HOOK1: variants seen among roughly 807,000 people sequenced by gnomAD.
The protein encoded by HOOK1 is hook microtubule tethering protein 1.
Under a neutral mutation model 112.8 loss-of-function variants are expected in HOOK1, and 60 were observed. The observed-to-expected ratio is 0.53, with a 90% CI of 0.43 to 0.66. HOOK1 has a LOEUF of 0.66. HOOK1 is among the 30% of genes least tolerant of loss of function. The pLI is 0.00. For missense variants in HOOK1, 770 were observed against 856.0 expected, an observed-to-expected ratio of 0.90 and a Z score of 1.25; for synonymous variants, 294 against 283.8, an observed-to-expected ratio of 1.04 and a Z score of -0.36.
intron 6 of HOOK1, among the ~76,000 whole-genome samples, chr1:59,835,679 G>C (rs986463233): frequency 4.6e-5 from 7 of 152,088 alleles, no homozygotes; most frequent in Admixed American, 1.3e-4. Flanking sequence ...TTTGGCACCA[G>C]GGACCAGTTT....
At chr1:59,871,679 G>A (rs1644057228) in intron 21 of HOOK1, among the ~76,000 whole-genome samples, 1 of 152,194 alleles carries the variant, frequency 6.6e-6, no homozygotes, top group South Asian at 2.1e-4. Flanking sequence ...TTCAAGAGTA[G>A]CATTTCATGA....
In HOOK1 at chr1:59,825,369, T is replaced by A. The variant is rs1207901021; in HGVS notation, c.150-3411T>A. The stretch of plus-strand genomic sequence containing the variant: ...CTGTTCCTATTGTCTTTGACTAAAC[T>A]TTTTTTTTGTAAGAGGGAGAAGAAT... On this transcript the variant is annotated intron_variant, in intron 2 of 21. Coordinates refer to ENST00000371208, the MANE Select transcript of HOOK1 (RefSeq NM_015888.6). 2.0e-5 allele frequency among the ~76,000 whole-genome samples: 3 copies of A among 151,544 alleles called. No individual in the cohort carries two copies. The East Asian group carries it at 5.8e-4, about 29-fold the overall frequency.
intron 12 of HOOK1, among the ~76,000 whole-genome samples, chr1:59,856,376 G>T (rs1181612376): frequency 1.3e-5 from 2 of 150,732 alleles, no homozygotes; most frequent in Admixed American, 1.3e-4. Flanking sequence ...TTTACAAATG[G>T]TTTGCTTTAG....
chr1:59,828,934 A>G, intron 3 of HOOK1, 82 bp downstream of exon 3: 5 of 1,091,406 alleles, frequency 4.6e-6, no homozygotes, highest in South Asian at 1.4e-5. Context: ...CTGTTTTTCA[A>G]ATTAACTTAT....
At chr1:59,845,287 A>G (rs1240750004) in intron 9 of HOOK1, among the ~76,000 whole-genome samples, 4 of 151,938 alleles carry the variant, frequency 2.6e-5, no homozygotes, top group African/African-American at 9.7e-5. Flanking sequence ...ATACCACCAC[A>G]ATGGGGATTA....
At chr1:59,833,317 T>A in intron 4 of HOOK1, 88 bp from the exon 5 acceptor site, 1 of 968,900 alleles carries the variant, frequency 1.0e-6, no homozygotes, top group Non-Finnish European at 1.4e-6. Flanking sequence ...TTTCGTGAAT[T>A]TATAATTTAT....
At chr1:59,840,664 T>C (rs531939669) in intron 8 of HOOK1, among the ~76,000 whole-genome samples, 142 of 152,240 alleles carry the variant, frequency 9.3e-4, no homozygotes, top group African/African-American at 3.3e-3. Context: ...CAGTTTTCAT[T>C]TTTGTAAAAT....
At chr1:59,830,835 G>A (rs775708881) in intron 3 of HOOK1, among the ~76,000 whole-genome samples, 11 of 149,480 alleles carry the variant, frequency 7.4e-5, no homozygotes, top group Non-Finnish European at 1.3e-4. Context: ...CACATCTGTA[G>A]TAATTTTTTA....
At chr1:59,818,277 G>A (rs1026956542) in intron 1 of HOOK1, among the ~76,000 whole-genome samples, 4 of 152,190 alleles carry the variant, frequency 2.6e-5, no homozygotes. Flanking sequence ...ATGGAGATAA[G>A]ACAGTTGGGA....
At chr1:59,818,326 A>G (rs1349311401) in intron 1 of HOOK1, among the ~76,000 whole-genome samples, 1 of 152,218 alleles carries the variant, frequency 6.6e-6, no homozygotes, top group Non-Finnish European at 1.5e-5. Flanking sequence ...AATGGAGCCA[A>G]CATCAACAGA....
At position 59,821,941 on chromosome 1, in the gene HOOK1, A is replaced by C. The variant is rs1395708781; in HGVS notation, c.147A>C (p.Gln49His). ...TTGCCATGGCACAAGTTCTTCATCAAATGTGAGTAGTGGTCAGACTCTCCC... is the reference window on the plus strand; with the variant it reads ...TTGCCATGGCACAAGTTCTTCATCACATGTGAGTAGTGGTCAGACTCTCCC... ...SGVAMAQVLH[Q>H]IDAAWFNESW... Residue 49 changes from glutamine (Q) to histidine (H), a missense_variant and splice_region_variant, in exon 2 of 22, where the codon CAA becomes CAC. Coordinates refer to ENST00000371208, the MANE Select transcript of HOOK1 (RefSeq NM_015888.6). The C allele has an allele frequency of 1.2e-6, 2 of 1,610,176 alleles. No individual in the cohort carries two copies. Among genetic ancestry groups the C allele is most frequent in the East Asian group, 4.5e-5 (2 of 44,738 alleles).
chr1:59,832,783 T>C (rs190861406), intron 4 of HOOK1, among the ~76,000 whole-genome samples: 2,521 of 152,168 alleles, frequency 0.017, 34 homozygotes, highest in Middle Eastern at 0.048. Flanking sequence ...CATTAAAGAA[T>C]TTTTGTTTCT....
chr1:59,833,649 C>T (rs753330033), intron 5 of HOOK1, 112 bp downstream of exon 5: 18 of 872,308 alleles, frequency 2.1e-5, no homozygotes, highest in South Asian at 3.8e-5. Context: ...CACCCTGAAA[C>T]GTAAACCAGA....
chr1:59,832,484 A>G (rs1231734750), intron 4 of HOOK1, among the ~76,000 whole-genome samples: 3 of 152,136 alleles, frequency 2.0e-5, no homozygotes, highest in Admixed American at 6.5e-5. Context: ...GATTTTGTGC[A>G]ATACTATAAA....
chr1:59,817,888 A>C (rs1220015743), intron 1 of HOOK1, among the ~76,000 whole-genome samples: 1 of 152,184 alleles, frequency 6.6e-6, no homozygotes, highest in Admixed American at 6.5e-5. Context: ...GAGCTCTTAC[A>C]TGACCTATTT....
In HOOK1 at chr1:59,814,982, G is replaced by A; in HGVS notation, c.-136G>A. ...GGACGCGTCGACAGCGCGAGGGTTC[G>A]CGCGTGAGCTGCGCGGGTCGGGCCT... On this transcript the variant is annotated 5_prime_UTR_variant, in exon 1 of 22. Coordinates refer to ENST00000371208, the MANE Select transcript of HOOK1 (RefSeq NM_015888.6). The A allele has an allele frequency of 1.2e-6, 1 of 837,452 alleles. No individual in the cohort carries two copies. Among genetic ancestry groups the A allele is most frequent in the Non-Finnish European group, 1.8e-6 (1 of 541,938 alleles). 51.9% of individuals were successfully genotyped at this position (837,452 alleles called of 1,614,324 possible). A position where few individuals can be genotyped will look rare whatever the true frequency, so the allele number is the denominator to read the frequency against.
intron 21 of HOOK1, among the ~76,000 whole-genome samples, chr1:59,872,485 C>T (rs893479495): frequency 1.3e-5 from 2 of 151,810 alleles, no homozygotes; most frequent in Non-Finnish European, 1.5e-5. Context: ...CATGTCTGCT[C>T]ATAGGTGGTA....
At chr1:59,834,775 T>A (rs1004091836) in intron 5 of HOOK1, among the ~76,000 whole-genome samples, 1 of 152,140 alleles carries the variant, frequency 6.6e-6, no homozygotes, top group African/African-American at 2.4e-5. Context: ...TTTGTAAGTT[T>A]CGTTAGTCTT....
chr1:59,865,004 C>G (rs1023647681), intron 17 of HOOK1, 159 bp from the exon 18 acceptor site: 5 of 587,878 alleles, frequency 8.5e-6, no homozygotes, highest in Non-Finnish European at 1.5e-5. Context: ...TGGCACCTGC[C>G]GTGTGCCTGA....
Sources: allele counts gnomAD v4.1 joint callset (sites outside exome capture counted in the v4.1 genomes callset), GRCh38; gene constraint gnomAD v4.1.1; transcripts MANE v1.5; gene names NCBI Gene and HGNC (gene_info 2026-07-23, HGNC 2026-07-21).